Variants in SERPINB11 observed in about 807,000 individuals in gnomAD.
The protein encoded by SERPINB11 is serpin B11.
SERPINB11 carries 32 observed loss-of-function variants against 36.7 expected under a neutral mutation model. That is an observed-to-expected ratio of 0.87 (90% CI 0.66 to 1.17). The LOEUF (loss-of-function observed/expected upper bound fraction) is 1.17, where lower values mean the gene tolerates loss of function less well. SERPINB11 is among the 50% of genes most tolerant of loss of function. SERPINB11 has a pLI of 0.00. For synonymous variants in SERPINB11, 174 were observed against 168.1 expected (o/e 1.04, Z -0.27); for missense variants, 528 against 458.4 (o/e 1.15, Z -1.39).
At chr18:63,714,033 A>T (rs1966126) in intron 4 of SERPINB11, among the ~76,000 whole-genome samples, 56,527 of 151,958 alleles carry the variant, frequency 0.37, 11,375 homozygotes, top group East Asian at 0.61. Flanking sequence ...TGCTCATAGT[A>T]TATTGGGGGA....
chr18:63,718,157 A>G lies in SERPINB11; in HGVS notation c.476-1856A>G, dbSNP rs183332403. Among the ~76,000 whole-genome samples the G allele has an allele frequency of 3.3e-5, 5 of 152,056 alleles. No homozygotes were observed. The East Asian group carries it at 9.6e-4, about 29-fold the overall frequency. On this transcript the variant is annotated intron_variant, in intron 5 of 7. Coordinates refer to ENST00000544088, the MANE Select transcript of SERPINB11 (RefSeq NM_001370475.1). ...GTTTTCCATTCTCTTTCATTCGTCA[A>G]TTTGTTTATTCTCATGATGATGCCA...
chr18:63,719,870 C>T (rs1365064009), intron 5 of SERPINB11, 143 bp from the exon 6 acceptor site: 1 of 578,220 alleles, frequency 1.7e-6, no homozygotes, highest in South Asian at 3.4e-5. Flanking sequence ...GGCTCCATGG[C>T]CAGGAGATGA....
intron 5 of SERPINB11, among the ~76,000 whole-genome samples, chr18:63,716,614 T>A (rs1348354646): frequency 6.6e-6 from 1 of 152,194 alleles, no homozygotes; most frequent in Non-Finnish European, 1.5e-5. Flanking sequence ...CCAACACTTC[T>A]TTAAGATTAT....
At chr18:63,718,132 G>C (rs2144546830) in intron 5 of SERPINB11, among the ~76,000 whole-genome samples, 1 of 151,940 alleles carries the variant, frequency 6.6e-6, no homozygotes, top group Admixed American at 6.6e-5. Context: ...CTGCTCCTAG[G>C]TTTTCCATTC....
At chr18:63,715,459 T>C (rs1047652599) in intron 4 of SERPINB11, among the ~76,000 whole-genome samples, 3 of 152,238 alleles carry the variant, frequency 2.0e-5, no homozygotes, top group African/African-American at 7.2e-5. Flanking sequence ...TAATATGTTA[T>C]AGGTGAACGA....
At position 63,720,011 on chromosome 18, in the gene SERPINB11, A is replaced by T; in HGVS notation, c.476-2A>T. 1 of 1,592,972 alleles carries T rather than the reference A, an allele frequency of 6.3e-7. No homozygotes were observed. Among genetic ancestry groups the T allele is most frequent in the South Asian group, 1.2e-5 (1 of 86,894 alleles). ...ATATAATTATCTTATTTTTTATACA[A>T]GGAAAAGTCGCAAATCTCTTTGGAA... On this transcript the variant is annotated splice_acceptor_variant, in intron 5 of 7. Coordinates refer to ENST00000544088, the MANE Select transcript of SERPINB11 (RefSeq NM_001370475.1). LOFTEE classifies it high-confidence loss of function.
intron 6 of SERPINB11, 44 bp from the exon 7 acceptor site, chr18:63,720,787 C>A: frequency 7.3e-7 from 1 of 1,366,150 alleles, no homozygotes; most frequent in South Asian, 1.3e-5. Flanking sequence ...CACACATGTG[C>A]ACTCACATAT....
chr18:63,711,305 G>T, intron 2 of SERPINB11, 30 bp from the exon 3 acceptor site: 1 of 1,514,312 alleles, frequency 6.6e-7, no homozygotes, highest in African/African-American at 1.4e-5. Flanking sequence ...TGCTTCTGAT[G>T]CCAAAAGATC....
Position 63,714,954 on chromosome 18 carries a change from T to G in SERPINB11, c.358-1081T>G, listed in dbSNP as rs922233029. ...AATCTTCACAATTTATGTTCAGAGA[T>G]TGCAATAAAGACAGGTGTAAGAAAT... On this transcript the variant is annotated intron_variant, in intron 4 of 7. Coordinates refer to ENST00000544088, the MANE Select transcript of SERPINB11 (RefSeq NM_001370475.1). 5.3e-5 allele frequency among the ~76,000 whole-genome samples: 8 copies of G among 152,308 alleles called. 1 individual carries two copies. In the East Asian group the frequency reaches 9.6e-4, roughly 18 times the overall value.
At chr18:63,702,536 A>G (rs999434015), upstream of SERPINB11, among the ~76,000 whole-genome samples, 1 of 152,190 alleles carries the variant, frequency 6.6e-6, no homozygotes, top group Non-Finnish European at 1.5e-5. Context: ...GGTTGCAGTG[A>G]GCTGAGATCA....
intron 1 of SERPINB11, among the ~76,000 whole-genome samples, chr18:63,709,181 T>C (rs2144532843): frequency 6.6e-6 from 1 of 152,332 alleles, no homozygotes; most frequent in Admixed American, 6.5e-5. Flanking sequence ...TCCTTTTCCA[T>C]TTCTATTTTC....
At chr18:63,707,469 G>A (rs1251708646) in intron 1 of SERPINB11, among the ~76,000 whole-genome samples, 1 of 152,104 alleles carries the variant, frequency 6.6e-6, no homozygotes, top group African/African-American at 2.4e-5. Context: ...ACCACTTTTG[G>A]ACTCTTATTT....
chr18:63,710,567 G>A (rs1421543875), intron 2 of SERPINB11, among the ~76,000 whole-genome samples: 1 of 152,190 alleles, frequency 6.6e-6, no homozygotes, highest in Non-Finnish European at 1.5e-5. Flanking sequence ...TACAAGCAAC[G>A]TGTGGTCTCT....
chr18:63,706,785 A>G (rs548617589), intron 1 of SERPINB11, among the ~76,000 whole-genome samples: 14 of 152,244 alleles, frequency 9.2e-5, no homozygotes, highest in Non-Finnish European at 1.9e-4. Flanking sequence ...GCTAGGGCAG[A>G]TCCAGGATTG....
rs1914557385 is a variant in SERPINB11, at chr18:63,712,637, T to C, written c.301T>C (p.Cys101Arg). Residue 101 changes from cysteine (C) to arginine (R), a missense_variant, in exon 4 of 8, where the codon TGT becomes CGT. Transcript: ENST00000544088. ...TCAAATCAACCAGCCAGACTCTAAC[T>C]GTACCCTCAGCATTGCCAACAGGCT... ...FSQINQPDSN[C>R]TLSIANRLYG... 6.2e-7 allele frequency: 1 copy of C among 1,613,858 alleles called. No homozygotes were observed. Among genetic ancestry groups the C allele is most frequent in the Non-Finnish European group, 8.5e-7 (1 of 1,179,756 alleles).
Position 63,713,133 on chromosome 18 carries a change from T to G in SERPINB11, c.357+440T>G, listed in dbSNP as rs979128535. Among the ~76,000 whole-genome samples, 4 of 152,200 alleles carry G rather than the reference T, an allele frequency of 2.6e-5. No individual in the cohort carries two copies. In the East Asian group the frequency reaches 7.7e-4, roughly 29 times the overall value. On this transcript the variant is annotated intron_variant, in intron 4 of 7. Transcript: ENST00000544088. ...GGGCAAGTCACTTCTGTCTTTAAAA[T>G]GAGAGGATTAGGCTTAGTTCTTTGT...
chr18:63,720,239 T>C (rs1226420356), intron 6 of SERPINB11, 84 bp downstream of exon 6: 22 of 1,204,564 alleles, frequency 1.8e-5, no homozygotes, highest in Non-Finnish European at 2.6e-5. Context: ...TGTAGTGATT[T>C]AGTGAAAATA....
chr18:63,709,805 G>T (rs1446142026), intron 1 of SERPINB11, among the ~76,000 whole-genome samples: 1 of 152,114 alleles, frequency 6.6e-6, no homozygotes, highest in Non-Finnish European at 1.5e-5. Context: ...TGTAGCTCAA[G>T]ATTTTTTTCT....
At chr18:63,716,644 A>G (rs1914675937) in intron 5 of SERPINB11, among the ~76,000 whole-genome samples, 1 of 152,160 alleles carries the variant, frequency 6.6e-6, no homozygotes, top group Admixed American at 6.5e-5. Flanking sequence ...AATTCTAGAT[A>G]TTCTATCATT....
Sources: gnomAD v4.1 joint callset for allele counts (sites outside exome capture counted in the v4.1 genomes callset) on GRCh38, gnomAD v4.1.1 for gene constraint, MANE v1.5 for transcripts, NCBI Gene and HGNC (gene_info 2026-07-23, HGNC 2026-07-21) for gene names.